ATR: variants seen among roughly 807,000 people sequenced by gnomAD.
The protein encoded by ATR is ATR checkpoint kinase.
A neutral mutation model predicts 305.3 loss-of-function variants in ATR; 142 were observed. The ratio of observed to expected loss-of-function variants is 0.47; its 90% CI spans 0.41 to 0.53. The LOEUF (loss-of-function observed/expected upper bound fraction) is 0.53. Among genes scored for constraint, ATR ranks in the 20% least tolerant of loss-of-function variants. The pLI is 0.00. For missense variants in ATR, 2,135 were observed against 3,133.1 expected, an observed-to-expected ratio of 0.68 and a Z score of 7.60; for synonymous variants, 1,050 against 1,068.1, an observed-to-expected ratio of 0.98 and a Z score of 0.33.
intron 6 of ATR, among the ~76,000 whole-genome samples, chr3:142,560,012 A>C (rs2034818940): frequency 6.6e-6 from 1 of 152,360 alleles, no homozygotes; most frequent in South Asian, 2.1e-4. Context: ...AGTTTCTCTG[A>C]GTGTCAGTTT....
intron 4 of ATR, 122 bp from the exon 5 acceptor site, chr3:142,561,543 T>TAA (rs2034879234): frequency 8.5e-6 from 8 of 944,954 alleles, no homozygotes; most frequent in African/African-American, 1.7e-5. Flanking sequence ...TAGAGTCTCA[T>TAA]AAAGCAAAAT....
At chr3:142,496,879 A>T in intron 33 of ATR, 134 bp downstream of exon 33, 2 of 1,000,000 alleles carry the variant, frequency 2.0e-6, no homozygotes, top group Non-Finnish European at 1.5e-6. Context: ...TCAACCAGAT[A>T]GTGTAGCCCT....
intron 18 of ATR, 147 bp downstream of exon 18, chr3:142,540,757 A>G: frequency 1.9e-6 from 2 of 1,063,502 alleles, no homozygotes; most frequent in East Asian, 2.6e-5. Context: ...AAAGAAGTAA[A>G]TATGTTCTAT....
intron 21 of ATR, 88 bp downstream of exon 21, chr3:142,534,992 C>T (rs1418455456): frequency 2.1e-6 from 3 of 1,429,718 alleles, no homozygotes; most frequent in Non-Finnish European, 2.9e-6. Flanking sequence ...TTCACTAAAT[C>T]TCAAACAAAA....
In ATR at chr3:142,449,240, TAAG is replaced by T; in HGVS notation, c.*186_*188del. ...TCCAATTATAATGCACAGTATGTAT[TAAG>T]AAAGCAGTTTATTTCTTAATAACTG... is the stretch of plus-strand genomic sequence containing the variant. On this transcript the variant is annotated 3_prime_UTR_variant, in exon 47 of 47. Transcript: ENST00000350721. The T allele has an allele frequency of 1.7e-6, 1 of 585,636 alleles. No individual in the cohort carries two copies. The highest frequency in any genetic ancestry group is 3.0e-6 in the Non-Finnish European group (1 of 335,418). 36.3% of individuals were successfully genotyped at this position (585,636 alleles called of 1,614,324 possible).
At chr3:142,517,004 T>TATAC (rs2032896575) in intron 24 of ATR, among the ~76,000 whole-genome samples, 1 of 148,532 alleles carries the variant, frequency 6.7e-6, no homozygotes, top group African/African-American at 2.5e-5. Context: ...TATATATATA[T>TATAC]ATACATATTT....
intron 1 of ATR, among the ~76,000 whole-genome samples, chr3:142,572,371 A>ATTTTTT (rs2035298182): frequency 2.0e-5 from 1 of 49,002 alleles, no homozygotes; most frequent in Non-Finnish European, 4.6e-5. Flanking sequence ...GCCCGGCCTG[A>ATTTTTT]CTTTTTTTTT....
chr3:142,553,360 T>C lies in ATR; in HGVS notation c.2672A>G (p.His891Arg), dbSNP rs2108462643. 6.2e-7 allele frequency: 1 copy of C among 1,613,910 alleles called. No homozygotes were observed. Among genetic ancestry groups the C allele is most frequent in the Non-Finnish European group, 8.5e-7 (1 of 1,179,982 alleles). ...CTTGGATAACAAACAATGCAATAAGTGTAAGAGTGCAAATGGTACCAAATC... is the reference window on the plus strand; with the variant it reads ...CTTGGATAACAAACAATGCAATAAGCGTAAGAGTGCAAATGGTACCAAATC... ...KGDLVPFALLHLLHCLLSKSA... is the reference protein window; with the variant it reads ...KGDLVPFALLRLLHCLLSKSA... The change falls in exon 13 of 47, where the codon CAC (histidine) becomes CGC (arginine). Residue 891 changes from histidine to arginine, a missense_variant. His to Arg is a conservative substitution (Grantham distance 29). Coordinates refer to ENST00000350721, the MANE Select transcript of ATR (RefSeq NM_001184.4).
intron 40 of ATR, chr3:142,465,482 C>T (rs1056877638): frequency 3.8e-5 from 10 of 265,412 alleles, no homozygotes; most frequent in Non-Finnish European, 6.3e-5. Context: ...ATTACTTCAT[C>T]GCCAATACAA....
At chr3:142,493,601 C>T (rs985150939) in intron 34 of ATR, among the ~76,000 whole-genome samples, 4 of 152,200 alleles carry the variant, frequency 2.6e-5, no homozygotes, top group Non-Finnish European at 5.9e-5. Flanking sequence ...GGCACAGTGG[C>T]TCATCTCTGC....
chr3:142,525,913 T>C (rs1489962079), intron 21 of ATR, among the ~76,000 whole-genome samples: 1 of 152,200 alleles, frequency 6.6e-6, no homozygotes, highest in Non-Finnish European at 1.5e-5. Flanking sequence ...ATAAGCCAAA[T>C]AAACCTCTTC....
At chr3:142,502,471 G>A (rs909083204) in intron 30 of ATR, among the ~76,000 whole-genome samples, 1 of 152,026 alleles carries the variant, frequency 6.6e-6, no homozygotes, top group African/African-American at 2.4e-5. Context: ...ACAAGGGGTG[G>A]GGGAGGGAGG....
intron 30 of ATR, among the ~76,000 whole-genome samples, chr3:142,501,679 A>C (rs1241948046): frequency 1.3e-5 from 2 of 152,178 alleles, no homozygotes; most frequent in Non-Finnish European, 2.9e-5. Flanking sequence ...TCGTCGTCAC[A>C]ATTATTTGAG....
At chr3:142,497,249 A>C in intron 32 of ATR, 57 bp from the exon 33 acceptor site, 384 of 1,536,358 alleles carry the variant, frequency 2.5e-4, no homozygotes, top group Non-Finnish European at 3.2e-4. Flanking sequence ...TATTAATCTC[A>C]TATATAAAGC....
chr3:142,515,863 A>C (rs1330888098), intron 24 of ATR, among the ~76,000 whole-genome samples: 1 of 152,144 alleles, frequency 6.6e-6, no homozygotes, highest in African/African-American at 2.4e-5. Context: ...CTCATTGATA[A>C]CTTTAGAACA....
At chr3:142,571,500 TA>T (rs2035258663) in intron 1 of ATR, among the ~76,000 whole-genome samples, 1 of 144,794 alleles carries the variant, frequency 6.9e-6, no homozygotes, top group Admixed American at 6.7e-5. Flanking sequence ...AATAAATAAA[TA>T]AATAAATAAT....
intron 23 of ATR, among the ~76,000 whole-genome samples, chr3:142,521,132 A>T (rs952532532): frequency 1.3e-5 from 2 of 152,202 alleles, no homozygotes; most frequent in African/African-American, 2.4e-5. Flanking sequence ...AGTAAAAAAA[A>T]TTTAAAAATA....
At chr3:142,485,103 C>A (rs1442495820) in intron 36 of ATR, 37 bp downstream of exon 36, 1 of 1,610,502 alleles carries the variant, frequency 6.2e-7, no homozygotes, top group African/African-American at 1.3e-5. Flanking sequence ...GTCATCCTTA[C>A]ATATTTAATC....
intron 10 of ATR, among the ~76,000 whole-genome samples, chr3:142,555,304 C>T (rs2034626543): frequency 1.2e-5 from 1 of 83,136 alleles, no homozygotes; most frequent in Admixed American, 1.1e-4. Context: ...TATTGTTAAC[C>T]TTACATTACA....
Sources: gnomAD v4.1 joint callset for allele counts (sites outside exome capture counted in the v4.1 genomes callset) on GRCh38, gnomAD v4.1.1 for gene constraint, MANE v1.5 for transcripts, NCBI Gene and HGNC (gene_info 2026-07-23, HGNC 2026-07-21) for gene names.